The following MLF1 variants were observed in gnomAD, a reference collection of about 807,000 sequenced individuals.
MLF1 encodes the protein myelodysplasia-myeloid leukemia factor 1.
MLF1 carries 37 observed loss-of-function variants against 38.3 expected under a neutral mutation model. The ratio of observed to expected loss-of-function variants is 0.96; its 90% CI spans 0.74 to 1.27. MLF1 has a LOEUF of 1.27. Among genes scored for constraint, MLF1 ranks in the 50% most tolerant of loss-of-function variants. MLF1 has a pLI of 0.00. For missense variants in MLF1, 331 were observed against 349.2 expected (o/e 0.95, Z 0.42); for synonymous variants, 95 against 106.5 (o/e 0.89, Z 0.66).
intron 1 of MLF1, among the ~76,000 whole-genome samples, chr3:158,578,152 C>T (rs988747014): frequency 1.3e-5 from 2 of 152,012 alleles, no homozygotes; most frequent in Non-Finnish European, 2.9e-5. Context: ...ACCAGTCTAC[C>T]TCATTGAAAC....
At chr3:158,582,866 A>C in intron 1 of MLF1, 1 of 689,890 alleles carries the variant, frequency 1.4e-6, no homozygotes, top group Non-Finnish European at 2.6e-6. Context: ...AGAGAAGGAA[A>C]ATCATACAAG....
chr3:158,588,634 A>C (rs1717672220), intron 1 of MLF1, among the ~76,000 whole-genome samples: 1 of 151,988 alleles, frequency 6.6e-6, no homozygotes, highest in African/African-American at 2.4e-5. Flanking sequence ...AGCAGAAAAA[A>C]ACTGCCCTCA....
In MLF1 at chr3:158,606,177, C is replaced by G; in HGVS notation, c.*975C>G. 1 of 177,772 alleles carries G rather than the reference C, an allele frequency of 5.6e-6. No individual in the cohort carries two copies. Among genetic ancestry groups the G allele is most frequent in the East Asian group, 9.4e-5 (1 of 10,620 alleles). The allele number at this position is 177,772 out of a possible 1,614,324, so 11.0% of individuals were successfully genotyped here. A position where few individuals can be genotyped will look rare whatever the true frequency, so the allele number is the denominator to read the frequency against. On this transcript the variant is annotated 3_prime_UTR_variant, in exon 8 of 8. Coordinates refer to ENST00000466246, the MANE Select transcript of MLF1 (RefSeq NM_001369783.1). ...AAAAATCAGCTTTAGCTTTTTAATT[C>G]TAGAATTTAAGCATCAGTCTGTTCT...
At position 158,593,387 on chromosome 3, in the gene MLF1, G is replaced by A. The variant is rs779983108; in HGVS notation, c.201G>A (p.Thr67=). ...ATTGGATATTATTTTTCCAGGCAAC[G>A]AGTTGTTCTCTTGTGCCTTTTGGCG... ...HNDGEDSLTA[T]SCSLVPFGDF... Residue 67 remains threonine, a synonymous_variant, in exon 3 of 8, where the codon ACG becomes ACA. Transcript: ENST00000466246. 13 of 1,555,000 alleles carry A rather than the reference G, an allele frequency of 8.4e-6. No homozygotes were observed. The highest frequency in any genetic ancestry group is 1.4e-5 in the African/African-American group (1 of 74,032).
At chr3:158,589,280 T>C (rs1438725970) in intron 1 of MLF1, among the ~76,000 whole-genome samples, 1 of 152,148 alleles carries the variant, frequency 6.6e-6, no homozygotes, top group African/African-American at 2.4e-5. Context: ...GGCATGATCT[T>C]GGCTCATCAC....
At chr3:158,572,818 T>G (rs17629390) in intron 1 of MLF1, among the ~76,000 whole-genome samples, 77,782 of 140,320 alleles carry the variant, frequency 0.55, 22,402 homozygotes, top group African/African-American at 0.71. Context: ...CGCAGGAGGA[T>G]GGTTGAGGAC....
rs1006884188 is a variant in MLF1 at position 158,606,247 on chromosome 3, T to C, written c.*1045T>C. Reference sequence around the variant, plus strand: ...GTTTATAAGAATATAAAATCTTAACTCACATTTGTTGTTTAATATTTCTGT... The same window carrying C: ...GTTTATAAGAATATAAAATCTTAACCCACATTTGTTGTTTAATATTTCTGT... On this transcript the variant is annotated 3_prime_UTR_variant, in exon 8 of 8. Transcript: ENST00000466246. 2.8e-5 allele frequency: 5 copies of C among 176,314 alleles called. No individual in the cohort carries two copies. The highest frequency in any genetic ancestry group is 1.3e-4 in the Admixed American group (2 of 15,806). 10.9% of individuals were successfully genotyped at this position (176,314 alleles called of 1,614,324 possible).
intron 1 of MLF1, among the ~76,000 whole-genome samples, chr3:158,587,950 G>A (rs1354748312): frequency 6.6e-6 from 1 of 152,194 alleles, no homozygotes; most frequent in Non-Finnish European, 1.5e-5. Context: ...GCAGTGAGCT[G>A]AGATCGTGCC....
At position 158,602,800 on chromosome 3, in the gene MLF1, G is replaced by T; in HGVS notation, c.614-7G>T. On this transcript the variant is annotated splice_region_variant and splice_polypyrimidine_tract_variant and intron_variant, in intron 6 of 7. Transcript: ENST00000466246. ...ACTTATTCCCATTATTTTTCTGTTT[G>T]ACATAGGTGATGCTCATGCTTTTGA... is the stretch of plus-strand genomic sequence containing the variant. The T allele has an allele frequency of 6.2e-7, 1 of 1,611,866 alleles. No individual in the cohort carries two copies. The highest frequency in any genetic ancestry group is 1.1e-5 in the South Asian group (1 of 90,692).
chr3:158,599,743 CTA>C (rs1719463937), intron 5 of MLF1, among the ~76,000 whole-genome samples: 1 of 152,032 alleles, frequency 6.6e-6, no homozygotes, highest in African/African-American at 2.4e-5. Flanking sequence ...AGGCATTAAA[CTA>C]TAATTGCTAC....
intron 3 of MLF1, among the ~76,000 whole-genome samples, chr3:158,593,655 AAGT>A (rs1183124013): frequency 1.3e-5 from 2 of 152,214 alleles, no homozygotes; most frequent in Non-Finnish European, 2.9e-5. Flanking sequence ...CAAAAATAAA[AAGT>A]AGATTTTATT....
At chr3:158,597,349 T>C (rs573912863) in intron 4 of MLF1, among the ~76,000 whole-genome samples, 1 of 152,240 alleles carries the variant, frequency 6.6e-6, no homozygotes, top group African/African-American at 2.4e-5. Context: ...CATAATTTTA[T>C]TATTAATAAC....
chr3:158,591,159 CTTTTTTT>C (rs11314613), intron 1 of MLF1: 3 of 395,448 alleles, frequency 7.6e-6, no homozygotes, highest in South Asian at 3.6e-5. Flanking sequence ...AGGAAAATTT[CTTTTTTT>C]TTTTTTTTTT....
intron 6 of MLF1, 56 bp from the exon 7 acceptor site, chr3:158,602,751 G>A: frequency 6.4e-7 from 1 of 1,558,622 alleles, no homozygotes. Flanking sequence ...GAGCAAGGCA[G>A]TTACTGACAG....
chr3:158,591,993 A>C (rs1718220402), intron 1 of MLF1, among the ~76,000 whole-genome samples: 1 of 152,194 alleles, frequency 6.6e-6, no homozygotes, highest in African/African-American at 2.4e-5. Context: ...TATACATCAA[A>C]ATGCATTTAA....
At chr3:158,601,903 G>A (rs1359873152) in intron 6 of MLF1, among the ~76,000 whole-genome samples, 4 of 130,828 alleles carry the variant, frequency 3.1e-5, no homozygotes, top group African/African-American at 8.7e-5. Context: ...TGCAAGCTCC[G>A]CCTCCCAGGT....
At chr3:158,599,279 C>T (rs12107742) in intron 5 of MLF1, among the ~76,000 whole-genome samples, 27,266 of 152,028 alleles carry the variant, frequency 0.18, 2,797 homozygotes, top group African/African-American at 0.27. Context: ...CTTTACCTAG[C>T]GTTTCCAAGC....
At chr3:158,576,696 G>A (rs566982217) in intron 1 of MLF1, among the ~76,000 whole-genome samples, 17 of 142,392 alleles carry the variant, frequency 1.2e-4, no homozygotes, top group South Asian at 2.2e-4. Context: ...TTTTTGAGAC[G>A]GAGTCTGGCA....
chr3:158,598,316 G>GA, intron 5 of MLF1, 108 bp downstream of exon 5: 1 of 853,772 alleles, frequency 1.2e-6, no homozygotes, highest in Non-Finnish European at 1.7e-6. Flanking sequence ...ATGGTGGGGG[G>GA]ACAGGAGGGA....
Sources: allele counts gnomAD v4.1 joint callset (sites outside exome capture counted in the v4.1 genomes callset), GRCh38; gene constraint gnomAD v4.1.1; transcripts MANE v1.5; gene names NCBI Gene and HGNC (gene_info 2026-07-23, HGNC 2026-07-21).